The following TRIT1 variants were observed in gnomAD, a reference collection of about 807,000 sequenced individuals.
The protein encoded by TRIT1 is tRNA dimethylallyltransferase.
In TRIT1, 43 loss-of-function variants were observed where a neutral mutation model predicts 51.2. That is an observed-to-expected ratio of 0.84 (90% CI 0.66 to 1.08). The LOEUF is 1.08. Among genes scored for constraint, TRIT1 ranks in the 50% least tolerant of loss-of-function variants. TRIT1 has a pLI of 0.00. For missense variants in TRIT1, 528 were observed against 578.4 expected (o/e 0.91, Z 0.89); for synonymous variants, 184 against 203.9 (o/e 0.90, Z 0.83).
chr1:39,876,189 T>G (rs1410043610), intron 1 of TRIT1: 1 of 152,190 alleles, frequency 6.6e-6, no homozygotes, highest in Admixed American at 6.5e-5. Context: ...ATATGTGAAT[T>G]CCTATATACC....
At chr1:39,868,078 G>A (rs1643650759) in intron 1 of TRIT1, among the ~76,000 whole-genome samples, 2 of 151,914 alleles carry the variant, frequency 1.3e-5, no homozygotes, top group African/African-American at 4.8e-5. Flanking sequence ...CCAAGTAGCT[G>A]GGACTACAGA....
chr1:39,879,228 G>C (rs1280493203), intron 1 of TRIT1, among the ~76,000 whole-genome samples: 1 of 151,884 alleles, frequency 6.6e-6, no homozygotes, highest in East Asian at 1.9e-4. Context: ...AAGATCATGA[G>C]CCTGGGTGAC....
chr1:39,871,291 A>C (rs138967010), intron 1 of TRIT1, among the ~76,000 whole-genome samples: 57 of 152,304 alleles, frequency 3.7e-4, no homozygotes, highest in African/African-American at 1.3e-3. Flanking sequence ...AACATGGAAG[A>C]ATTTTAAACG....
chr1:39,852,436 T>C (rs1206157606), intron 4 of TRIT1: 1 of 289,908 alleles, frequency 3.4e-6, no homozygotes, highest in Non-Finnish European at 6.4e-6. Flanking sequence ...AAAATGTATA[T>C]GAAAACTGTT....
At chr1:39,859,118 G>A (rs959535081) in intron 1 of TRIT1, among the ~76,000 whole-genome samples, 1 of 151,814 alleles carries the variant, frequency 6.6e-6, no homozygotes, top group Non-Finnish European at 1.5e-5. Flanking sequence ...GCTGGGTGTC[G>A]TGGCGTGTGC....
At chr1:39,869,155 G>A (rs1643726469) in intron 1 of TRIT1, among the ~76,000 whole-genome samples, 1 of 151,484 alleles carries the variant, frequency 6.6e-6, no homozygotes, top group South Asian at 2.1e-4. Flanking sequence ...GATGCAGACT[G>A]GAGGCTGGAC....
At chr1:39,863,610 G>T (rs61779845) in intron 1 of TRIT1, among the ~76,000 whole-genome samples, 5 of 151,836 alleles carry the variant, frequency 3.3e-5, no homozygotes, top group Non-Finnish European at 5.9e-5. Context: ...CCACTTTGTT[G>T]CACCTCTATT....
At chr1:39,864,482 G>A (rs970028418) in intron 1 of TRIT1, among the ~76,000 whole-genome samples, 2 of 151,282 alleles carry the variant, frequency 1.3e-5, no homozygotes, top group African/African-American at 2.4e-5. Flanking sequence ...GGTGGCAGGC[G>A]CCTGTAGTCC....
At chr1:39,857,478 T>A (rs984289921) in intron 1 of TRIT1, 61 bp from the exon 2 acceptor site, 2 of 1,569,288 alleles carry the variant, frequency 1.3e-6, no homozygotes, top group African/African-American at 2.7e-5. Context: ...GCATACTTAA[T>A]GAATAGAAAT....
At chr1:39,846,858 T>C (rs973103358) in intron 8 of TRIT1, among the ~76,000 whole-genome samples, 5 of 152,112 alleles carry the variant, frequency 3.3e-5, no homozygotes, top group Admixed American at 1.3e-4. Context: ...CCAAAAACAC[T>C]GTAATTAGGA....
chr1:39,868,264 A>T (rs760097831), intron 1 of TRIT1, among the ~76,000 whole-genome samples: 1 of 152,212 alleles, frequency 6.6e-6, no homozygotes, highest in Non-Finnish European at 1.5e-5. Flanking sequence ...AGATACTGTG[A>T]AGAGAATGAA....
chr1:39,862,358 T>C (rs915707148), intron 1 of TRIT1, among the ~76,000 whole-genome samples: 35 of 149,832 alleles, frequency 2.3e-4, no homozygotes, highest in African/African-American at 8.6e-4. Context: ...TTAGGCACAA[T>C]AAGAAACTAG....
chr1:39,849,290 A>G (rs909370451), intron 5 of TRIT1, among the ~76,000 whole-genome samples: 14 of 152,224 alleles, frequency 9.2e-5, no homozygotes, highest in African/African-American at 3.4e-4. Context: ...TGTCTTAACA[A>G]TTCACATAAC....
intron 5 of TRIT1, among the ~76,000 whole-genome samples, chr1:39,848,833 A>G (rs1051806489): frequency 6.6e-6 from 1 of 151,528 alleles, no homozygotes. Flanking sequence ...AAACAAAAAA[A>G]AAAGACATCC....
intron 1 of TRIT1, among the ~76,000 whole-genome samples, chr1:39,872,822 G>A (rs1397993034): frequency 6.8e-6 from 1 of 147,004 alleles, no homozygotes; most frequent in Non-Finnish European, 1.5e-5. Flanking sequence ...AAGGGAGGGA[G>A]GGAGGGAGGG....
At chr1:39,878,355 T>A (rs1644137035) in intron 1 of TRIT1, among the ~76,000 whole-genome samples, 1 of 152,202 alleles carries the variant, frequency 6.6e-6, no homozygotes, top group African/African-American at 2.4e-5. Flanking sequence ...TTATTCAATG[T>A]TTACAAAAAC....
intron 1 of TRIT1, chr1:39,862,793 T>C: frequency 1.0e-6 from 1 of 985,428 alleles, no homozygotes; most frequent in African/African-American, 1.7e-5. Flanking sequence ...CTTACCCTAT[T>C]TTTCAGCTTC....
intron 1 of TRIT1, among the ~76,000 whole-genome samples, chr1:39,863,096 T>A (rs1643340447): frequency 6.6e-6 from 1 of 152,254 alleles, no homozygotes; most frequent in Non-Finnish European, 1.5e-5. Context: ...ATAATTGACT[T>A]ATCTCTACAA....
intron 4 of TRIT1, chr1:39,852,465 T>C (rs896406699): frequency 3.0e-5 from 11 of 365,630 alleles, no homozygotes; most frequent in African/African-American, 6.3e-5. Context: ...AAAGATCAAA[T>C]AGAAAATGAA....
Sources: allele counts gnomAD v4.1 joint callset (sites outside exome capture counted in the v4.1 genomes callset), GRCh38; gene constraint gnomAD v4.1.1; transcripts MANE v1.5; gene names NCBI Gene and HGNC (gene_info 2026-07-23, HGNC 2026-07-21).